Variants in MCF2L observed in about 807,000 individuals in gnomAD.
MCF2L encodes MCF.2 cell line derived transforming sequence like.
MCF2L carries 97 observed loss-of-function variants against 153.4 expected under a neutral mutation model. The observed-to-expected ratio is 0.63, with a 90% confidence interval of 0.54 to 0.75. The LOEUF is 0.75. Ranked by LOEUF, MCF2L falls within the 30% of genes least tolerant of loss-of-function variation. The pLI, the probability that MCF2L is intolerant of heterozygous loss-of-function variation, is 0.00. For missense variants in MCF2L, 1,347 were observed against 1,495.2 expected (o/e 0.90, Z 1.64); for synonymous variants, 659 against 632.2 (o/e 1.04, Z -0.64).
chr13:113,070,409 G>T lies in MCF2L; in HGVS notation c.996+236G>T. On this transcript the variant is annotated intron_variant, in intron 9 of 29. Transcript: ENST00000535094. This position sits in a 1 kb window ranked among gnomAD's most constrained non-coding sequence, Gnocchi z 5.6. ...AGGTGATTGAAAATCAGCTCACTGG[G>T]ATGCACTTACACTGCATTATTCGTA... 1 of 354,822 alleles carries T rather than the reference G, an allele frequency of 2.8e-6. No individual in the cohort carries two copies. The allele number at this position is 354,822 out of a possible 1,614,324, so 22.0% of individuals were successfully genotyped here.
rs1220427480 is a variant in MCF2L, at chr13:112,992,511, G to A, written c.80-22252G>A. Reference sequence around the variant, plus strand: ...CCCAGGTGCTCCAGACGTTCCCGCCGTGCGTCTGTGGTGGCCACGTCTCAT... The same window carrying A: ...CCCAGGTGCTCCAGACGTTCCCGCCATGCGTCTGTGGTGGCCACGTCTCAT... On this transcript the variant is annotated intron_variant, in intron 1 of 29. Coordinates refer to ENST00000535094, the MANE Select transcript of MCF2L (RefSeq NM_001112732.3). 3.9e-5 allele frequency among the ~76,000 whole-genome samples: 6 copies of A among 152,348 alleles called. 1 individual carries two copies. The highest frequency in any genetic ancestry group is 4.1e-4 in the South Asian group (2 of 4,828).
chr13:112,988,954 T>C (rs78209145), intron 1 of MCF2L, among the ~76,000 whole-genome samples: 57 of 63,352 alleles, frequency 9.0e-4, no homozygotes, highest in African/African-American at 1.9e-3. Context: ...CATGGAGCTA[T>C]CACGCCTGAG....
rs1160451469 is a variant in MCF2L at position 113,014,853 on chromosome 13, T to C, written c.163+7T>C. ...CGCTTTGCTTACCTGTCCGGTGAGTTCCAGAAGCTGGGATGGGGTGGAGAG... is the reference window on the plus strand; with the variant it reads ...CGCTTTGCTTACCTGTCCGGTGAGTCCCAGAAGCTGGGATGGGGTGGAGAG... On this transcript the variant is annotated splice_region_variant and intron_variant, in intron 2 of 29. Transcript: ENST00000535094. 1 of 1,611,556 alleles carries C rather than the reference T, an allele frequency of 6.2e-7. No homozygotes were observed. The highest frequency in any genetic ancestry group is 8.5e-7 in the Non-Finnish European group (1 of 1,177,942).
rs140612660 is a variant in MCF2L at position 113,028,579 on chromosome 13, G to T, written c.278+3821G>T. On this transcript the variant is annotated intron_variant, in intron 3 of 29. Coordinates refer to ENST00000535094, the MANE Select transcript of MCF2L (RefSeq NM_001112732.3). This position sits in a 1 kb window ranked among gnomAD's most constrained non-coding sequence, Gnocchi z 5.4. ...CCCGCTGTGGACACGCGGGCCCCAG[G>T]TTGCTCAGAGGCAGCTCCATGGATC... is the stretch of plus-strand genomic sequence containing the variant. Among the ~76,000 whole-genome samples the T allele has an allele frequency of 6.6e-6, 1 of 152,238 alleles. No homozygotes were observed. The highest frequency in any genetic ancestry group is 6.5e-5 in the Admixed American group (1 of 15,286).
chr13:112,921,172 G>A (rs909291912), intron 2 of MCF2L, among the ~76,000 whole-genome samples: 6 of 151,990 alleles, frequency 3.9e-5, no homozygotes, highest in Admixed American at 2.0e-4. Context: ...GCAAGACTCC[G>A]TCTCAAAAAC....
intron 2 of MCF2L, chr13:112,917,580 C>T (rs1459046765): frequency 1.1e-5 from 2 of 186,044 alleles, no homozygotes; most frequent in Admixed American, 5.5e-5. Context: ...AAACACAGCC[C>T]CCTCCGGTGG....
intron 3 of MCF2L, among the ~76,000 whole-genome samples, chr13:113,041,773 C>T (rs1026071531): frequency 3.3e-5 from 5 of 152,000 alleles, no homozygotes; most frequent in South Asian, 2.1e-4. Flanking sequence ...GGGGCAAGGT[C>T]GTGGTGGGGG....
At chr13:112,991,054 G>A (rs1294363428) in intron 1 of MCF2L, among the ~76,000 whole-genome samples, 1 of 152,190 alleles carries the variant, frequency 6.6e-6, no homozygotes, top group African/African-American at 2.4e-5. Flanking sequence ...TCTGCACCTG[G>A]GGCTCTGTAC....
intron 1 of MCF2L, among the ~76,000 whole-genome samples, chr13:112,898,914 C>A (rs1566625060): frequency 6.6e-6 from 1 of 152,182 alleles, no homozygotes; most frequent in Admixed American, 6.5e-5. Context: ...AGGCCCTGCA[C>A]CCACCACCAC....
chr13:112,938,505 G>A (rs2081545139), intron 2 of MCF2L, among the ~76,000 whole-genome samples: 1 of 152,172 alleles, frequency 6.6e-6, no homozygotes, highest in Admixed American at 6.5e-5. Context: ...TTCACAATTT[G>A]TTTCATTGTG....
In MCF2L at chr13:112,969,953, CG is replaced by C. The variant is rs1235971954; in HGVS notation, c.79+497del. Among the ~76,000 whole-genome samples the C allele has an allele frequency of 6.6e-6, 1 of 152,110 alleles. No homozygotes were observed. Among genetic ancestry groups the C allele is most frequent in the Non-Finnish European group, 1.5e-5 (1 of 68,022 alleles). ...TTAAACCTAAGACAGATGTTTGAGA[CG>C]GTATGGGTAAAGAGTGGACTGGACG... On this transcript the variant is annotated intron_variant, in intron 1 of 29. Transcript: ENST00000535094. The surrounding 1 kb of genome is among the most constrained non-coding windows in gnomAD (Gnocchi z 4.8).
intron 1 of MCF2L, among the ~76,000 whole-genome samples, chr13:113,005,370 C>T (rs980149198): frequency 6.6e-5 from 10 of 152,152 alleles, no homozygotes; most frequent in African/African-American, 1.7e-4. Flanking sequence ...AGATGCTGGC[C>T]GGAGGACACA....
At chr13:113,093,129 G>A (rs1478803042) in intron 26 of MCF2L, among the ~76,000 whole-genome samples, 1 of 152,258 alleles carries the variant, frequency 6.6e-6, no homozygotes, top group African/African-American at 2.4e-5. Flanking sequence ...AGGGCACGCT[G>A]GCAGCCAGGC....
At chr13:113,093,273 C>A (rs2035374075) in intron 26 of MCF2L, among the ~76,000 whole-genome samples, 1 of 152,248 alleles carries the variant, frequency 6.6e-6, no homozygotes, top group Non-Finnish European at 1.5e-5. Flanking sequence ...CGGAAAATCA[C>A]AGTCCTCAAT....
At chr13:112,922,952 T>C (rs28482931) in intron 2 of MCF2L, among the ~76,000 whole-genome samples, 34,348 of 152,198 alleles carry the variant, frequency 0.23, 4,351 homozygotes, top group South Asian at 0.3. Flanking sequence ...TTCATAGATG[T>C]GGAAAAAGCA....
intron 1 of MCF2L, among the ~76,000 whole-genome samples, chr13:112,987,898 G>A (rs183567588): frequency 6.6e-6 from 1 of 152,376 alleles, no homozygotes; most frequent in East Asian, 1.9e-4. Context: ...CAGCCCACAA[G>A]GGGACAGCCT....
chr13:112,957,122 T>C (rs2081767739), intron 2 of MCF2L: 1 of 151,930 alleles, frequency 6.6e-6, no homozygotes, highest in Non-Finnish European at 1.5e-5. Context: ...GCATTATCTG[T>C]TGACGTGACC....
chr13:113,082,722 C>T (rs2034266157), intron 17 of MCF2L, among the ~76,000 whole-genome samples, 180 bp downstream of exon 17: 1 of 152,220 alleles, frequency 6.6e-6, no homozygotes, highest in Non-Finnish European at 1.5e-5. Context: ...TCTCTGAGCG[C>T]CCACGTGGCA....
chr13:113,084,742 T>A, intron 18 of MCF2L, 150 bp from the exon 19 acceptor site: 1 of 671,680 alleles, frequency 1.5e-6, no homozygotes, highest in Non-Finnish European at 2.6e-6. Flanking sequence ...CCTCGGAAGC[T>A]ATGGGGCCAG....
Sources: allele counts gnomAD v4.1 joint callset (sites outside exome capture counted in the v4.1 genomes callset), GRCh38; gene constraint gnomAD v4.1.1; non-coding constraint Gnocchi (gnomAD v3.1); transcripts MANE v1.5; gene names NCBI Gene and HGNC (gene_info 2026-07-23, HGNC 2026-07-21).